The following MAP3K13 variants were observed in gnomAD, a reference collection of about 807,000 sequenced individuals.
The protein encoded by MAP3K13 is leucine zipper-bearing kinase.
MAP3K13 carries 52 observed loss-of-function variants against 104.0 expected under a neutral mutation model. The ratio of observed to expected loss-of-function variants is 0.50; its 90% CI spans 0.40 to 0.63. The LOEUF (loss-of-function observed/expected upper bound fraction) is 0.63. Ranked by LOEUF, MAP3K13 falls within the 20% of genes least tolerant of loss-of-function variation. MAP3K13 has a pLI of 0.00. For missense variants in MAP3K13, 914 were observed against 1,218.5 expected (o/e 0.75, Z 3.72); for synonymous variants, 394 against 442.2 (o/e 0.89, Z 1.37).
chr3:185,338,893 A>G (rs1392450088), intron 2 of MAP3K13, among the ~76,000 whole-genome samples: 1 of 152,246 alleles, frequency 6.6e-6, no homozygotes, highest in Admixed American at 6.5e-5. Flanking sequence ...GTTTAAAGCA[A>G]AAATAATAAC....
At chr3:185,451,830 G>A (rs1419741321) in intron 7 of MAP3K13, among the ~76,000 whole-genome samples, 9 of 146,222 alleles carry the variant, frequency 6.2e-5, no homozygotes, top group Non-Finnish European at 1.5e-5. Flanking sequence ...TCATGCCATT[G>A]TACTCCAGCC....
chr3:185,326,654 A>G (rs1266509149), intron 2 of MAP3K13, among the ~76,000 whole-genome samples: 1 of 152,170 alleles, frequency 6.6e-6, no homozygotes, highest in Non-Finnish European at 1.5e-5. Flanking sequence ...TCAGCAAGTA[A>G]GGGATAGAAC....
intron 11 of MAP3K13, among the ~76,000 whole-genome samples, chr3:185,474,421 T>C (rs1382124129): frequency 6.6e-6 from 1 of 152,220 alleles, no homozygotes; most frequent in Non-Finnish European, 1.5e-5. Flanking sequence ...AGGGATGTTA[T>C]GGGAAGTAAA....
chr3:185,288,277 A>G (rs1474704949), intron 2 of MAP3K13, among the ~76,000 whole-genome samples: 1 of 152,142 alleles, frequency 6.6e-6, no homozygotes, highest in Non-Finnish European at 1.5e-5. Flanking sequence ...AGTTACATGT[A>G]GAAAACACAG....
intron 7 of MAP3K13, among the ~76,000 whole-genome samples, chr3:185,456,560 CT>C (rs1188810363): frequency 6.8e-6 from 1 of 147,390 alleles, no homozygotes; most frequent in African/African-American, 2.5e-5. Flanking sequence ...ATCTTTCGAA[CT>C]TTAAGATATG....
At chr3:185,400,479 C>T (rs760048116) in intron 1 of MAP3K13, among the ~76,000 whole-genome samples, 2 of 152,226 alleles carry the variant, frequency 1.3e-5, no homozygotes, top group Non-Finnish European at 2.9e-5. Context: ...TTGCTTAACA[C>T]AGATGATTAA....
At chr3:185,416,462 A>G (rs761945234) in intron 1 of MAP3K13, among the ~76,000 whole-genome samples, 12 of 151,914 alleles carry the variant, frequency 7.9e-5, no homozygotes, top group Non-Finnish European at 1.6e-4. Flanking sequence ...CTAATTATAG[A>G]TGACAAAATT....
At chr3:185,396,737 A>G (rs1268910721) in intron 1 of MAP3K13, among the ~76,000 whole-genome samples, 1 of 152,188 alleles carries the variant, frequency 6.6e-6, no homozygotes, top group Non-Finnish European at 1.5e-5. Context: ...CCCCAAACAA[A>G]TGAGAGCTGA....
At chr3:185,326,854 C>T (rs1264830195) in intron 2 of MAP3K13, among the ~76,000 whole-genome samples, 1 of 152,134 alleles carries the variant, frequency 6.6e-6, no homozygotes, top group African/African-American at 2.4e-5. Flanking sequence ...AAGTACAGCA[C>T]CCAGATTAAT....
chr3:185,406,099 G>C (rs948380347), intron 1 of MAP3K13, among the ~76,000 whole-genome samples: 2 of 152,212 alleles, frequency 1.3e-5, no homozygotes, highest in Non-Finnish European at 2.9e-5. Flanking sequence ...CTGGGTGAAA[G>C]AGTAGTAAGA....
intron 12 of MAP3K13, among the ~76,000 whole-genome samples, chr3:185,478,428 T>G (rs149241147): frequency 1.3e-5 from 2 of 152,298 alleles, no homozygotes; most frequent in African/African-American, 4.8e-5. Context: ...AGTTATATCC[T>G]GGATCCCTGC....
chr3:185,293,007 A>G (rs988612868), intron 2 of MAP3K13: 3 of 985,158 alleles, frequency 3.0e-6, no homozygotes, highest in Non-Finnish European at 3.6e-6. Flanking sequence ...TTTTAGTTAT[A>G]TGTACAAATG....
At chr3:185,357,447 T>TAAAAAAAAAAAAAAAAAAAAAAAAAAA (rs71162295) in intron 2 of MAP3K13, among the ~76,000 whole-genome samples, 1 of 91,398 alleles carries the variant, frequency 1.1e-5, no homozygotes, top group African/African-American at 4.1e-5. Context: ...AAACTCCATC[T>TAAAAAAAAAAAAAAAAAAAAAAAAAAA]AAAAAAAAAA....
At chr3:185,398,396 T>TA (rs758132482) in intron 1 of MAP3K13, among the ~76,000 whole-genome samples, 9 of 152,196 alleles carry the variant, frequency 5.9e-5, no homozygotes, top group Non-Finnish European at 1.0e-4. Flanking sequence ...AGCAGCCTCT[T>TA]ATTCCCCAAA....
chr3:185,480,934 T>C (rs566474741), intron 13 of MAP3K13, among the ~76,000 whole-genome samples: 81 of 152,286 alleles, frequency 5.3e-4, no homozygotes, highest in African/African-American at 1.9e-3. Context: ...CATGATCTAG[T>C]CACTTCCCAC....
intron 1 of MAP3K13, among the ~76,000 whole-genome samples, chr3:185,385,292 A>T (rs1711620608): frequency 6.6e-6 from 1 of 152,112 alleles, no homozygotes; most frequent in African/African-American, 2.4e-5. Flanking sequence ...CTGGGATTAC[A>T]GGCATGCACC....
intron 7 of MAP3K13, among the ~76,000 whole-genome samples, chr3:185,452,777 C>T (rs909287690): frequency 9.2e-5 from 14 of 152,174 alleles, no homozygotes; most frequent in African/African-American, 3.4e-4. Context: ...GCCTCTATCC[C>T]TCCAGCAGGC....
At chr3:185,373,264 C>T (rs1328438495) in intron 1 of MAP3K13, among the ~76,000 whole-genome samples, 6 of 152,234 alleles carry the variant, frequency 3.9e-5, no homozygotes, top group East Asian at 1.9e-4. Context: ...TAGAAACAAA[C>T]GAACAAAAAT....
intron 2 of MAP3K13, among the ~76,000 whole-genome samples, chr3:185,338,739 C>G (rs978178871): frequency 3.3e-5 from 5 of 151,882 alleles, no homozygotes; most frequent in African/African-American, 1.2e-4. Context: ...GTTCATGCTC[C>G]CCTTTCCTGC....
Sources: gnomAD v4.1 joint callset for allele counts (sites outside exome capture counted in the v4.1 genomes callset) on GRCh38, gnomAD v4.1.1 for gene constraint, MANE v1.5 for transcripts, NCBI Gene and HGNC (gene_info 2026-07-23, HGNC 2026-07-21) for gene names.